Variants in HHLA2 observed in about 807,000 individuals in gnomAD.
HHLA2 encodes HHLA2 member of B7 family.
HHLA2 carries 48 observed loss-of-function variants against 45.9 expected under a neutral mutation model. That is an observed-to-expected ratio of 1.05 (90% CI 0.83 to 1.33). The LOEUF (loss-of-function observed/expected upper bound fraction) is 1.33. HHLA2 is among the 40% of genes most tolerant of loss of function. HHLA2 has a pLI of 0.00. For missense variants in HHLA2, 462 were observed against 494.3 expected (o/e 0.93, Z 0.62); for synonymous variants, 161 against 173.9 (o/e 0.93, Z 0.59).
At chr3:108,318,891 G>C (rs1051231352) in intron 2 of HHLA2, among the ~76,000 whole-genome samples, 1 of 152,122 alleles carries the variant, frequency 6.6e-6, no homozygotes, top group African/African-American at 2.4e-5. Context: ...TTGTCTCTTT[G>C]TCAACATTGG....
At chr3:108,305,646 A>G (rs1461889476) in intron 1 of HHLA2, among the ~76,000 whole-genome samples, 1 of 152,056 alleles carries the variant, frequency 6.6e-6, no homozygotes, top group Non-Finnish European at 1.5e-5. Context: ...CTCCAGGTAC[A>G]TGCCTGGTTG....
intron 8 of HHLA2, among the ~76,000 whole-genome samples, chr3:108,367,910 T>C (rs1176443794): frequency 1.3e-5 from 2 of 152,104 alleles, no homozygotes; most frequent in Non-Finnish European, 2.9e-5. Flanking sequence ...AATTGTCAGA[T>C]TCTCCAAGGT....
At chr3:108,347,473 C>G (rs2081686055) in intron 3 of HHLA2, among the ~76,000 whole-genome samples, 1 of 151,902 alleles carries the variant, frequency 6.6e-6, no homozygotes, top group African/African-American at 2.4e-5. Context: ...ACAGACAGGA[C>G]CAGGAGTGGT....
At chr3:108,328,728 C>T (rs891941845) in intron 3 of HHLA2, among the ~76,000 whole-genome samples, 1 of 151,210 alleles carries the variant, frequency 6.6e-6, no homozygotes, top group African/African-American at 2.4e-5. Flanking sequence ...AAATTTTAAA[C>T]TGCATTATCT....
intron 7 of HHLA2, among the ~76,000 whole-genome samples, chr3:108,358,369 C>A (rs2081934360): frequency 6.6e-6 from 1 of 152,160 alleles, no homozygotes; most frequent in East Asian, 1.9e-4. Context: ...ATTACTCCCA[C>A]AGATTTCCTT....
chr3:108,309,627 T>C (rs2080985121), intron 1 of HHLA2, among the ~76,000 whole-genome samples: 1 of 152,166 alleles, frequency 6.6e-6, no homozygotes, highest in Admixed American at 6.6e-5. Flanking sequence ...TTTCTCATTA[T>C]TAGACTGGGG....
chr3:108,333,393 G>A (rs1464363156), intron 3 of HHLA2, among the ~76,000 whole-genome samples: 2 of 152,092 alleles, frequency 1.3e-5, no homozygotes, highest in East Asian at 1.9e-4. Flanking sequence ...CTTACCCATA[G>A]AGTTGTCAGA....
chr3:108,356,681 T>C (rs910895545), intron 6 of HHLA2, among the ~76,000 whole-genome samples: 2 of 152,210 alleles, frequency 1.3e-5, no homozygotes, highest in Non-Finnish European at 2.9e-5. Flanking sequence ...CTCAGTACTG[T>C]TTGGTCTCAT....
intron 1 of HHLA2, among the ~76,000 whole-genome samples, chr3:108,298,345 A>C (rs1198156925): frequency 6.6e-6 from 1 of 152,206 alleles, no homozygotes; most frequent in African/African-American, 2.4e-5. Flanking sequence ...AAATCCTGCT[A>C]TTCTGGCTTA....
Position 108,303,194 on chromosome 3 carries a change from A to G in HHLA2, c.-192+6595A>G, listed in dbSNP as rs141457545. The stretch of plus-strand genomic sequence containing the variant: ...TTTCTTACATTGTATTTATGTATCA[A>G]CTCCTTGATTTGATGAGTTCTTGAC... On this transcript the variant is annotated intron_variant, in intron 1 of 10. Transcript: ENST00000619531. Among the ~76,000 whole-genome samples the G allele has an allele frequency of 6.6e-5, 10 of 151,988 alleles. No individual in the cohort carries two copies. The East Asian group carries it at 1.2e-3, about 18-fold the overall frequency.
chr3:108,301,604 C>T (rs914393961), intron 1 of HHLA2, among the ~76,000 whole-genome samples: 1 of 152,126 alleles, frequency 6.6e-6, no homozygotes, highest in Non-Finnish European at 1.5e-5. Context: ...TATTTTCTTC[C>T]GTAGGCTAAT....
At chr3:108,300,707 A>G (rs1333735768) in intron 1 of HHLA2, among the ~76,000 whole-genome samples, 1 of 152,034 alleles carries the variant, frequency 6.6e-6, no homozygotes, top group Non-Finnish European at 1.5e-5. Flanking sequence ...AAACCTAGTG[A>G]CATACGTCCT....
At chr3:108,359,807 G>A (rs1326178257) in intron 7 of HHLA2, among the ~76,000 whole-genome samples, 1 of 152,058 alleles carries the variant, frequency 6.6e-6, no homozygotes, top group Non-Finnish European at 1.5e-5. Flanking sequence ...CTTTCCTTGG[G>A]GGATATGTTC....
exon 6 of HHLA2, chr3:108,355,362 A>G: frequency 6.2e-7 from 1 of 1,613,714 alleles, no homozygotes; most frequent in East Asian, 2.2e-5. Context: ...AAACATGGAC[A>G]GGGCGCTGGA....
chr3:108,308,067 A>G (rs1025000813), intron 1 of HHLA2, among the ~76,000 whole-genome samples: 5 of 152,332 alleles, frequency 3.3e-5, no homozygotes, highest in Admixed American at 2.0e-4. Context: ...GTTATTGATT[A>G]TAGTCACTCT....
At chr3:108,374,238 C>G (rs1310876950) in intron 8 of HHLA2, among the ~76,000 whole-genome samples, 11 of 150,674 alleles carry the variant, frequency 7.3e-5, no homozygotes, top group Non-Finnish European at 1.5e-4. Context: ...AAAGGATTCC[C>G]TATTTAATAA....
At chr3:108,362,046 C>T (rs1465026729) in intron 7 of HHLA2, among the ~76,000 whole-genome samples, 1 of 152,200 alleles carries the variant, frequency 6.6e-6, no homozygotes, top group Non-Finnish European at 1.5e-5. Flanking sequence ...TCCCCCACCT[C>T]CACCAATCTC....
chr3:108,302,501 T>C (rs1159808003), intron 1 of HHLA2: 3 of 152,222 alleles, frequency 2.0e-5, no homozygotes, highest in Non-Finnish European at 4.4e-5. Context: ...CTTCAAGTCA[T>C]GTAATCGACT....
rs751367823 is a variant in HHLA2, at chr3:108,353,610, G to T, written c.248G>T (p.Ser83Ile). 2.2e-5 allele frequency: 36 copies of T among 1,613,622 alleles called. No individual in the cohort carries two copies. In the Admixed American group the frequency reaches 5.3e-4, roughly 24 times the overall value. Reference sequence around the variant, plus strand: ...TACAAAGGCAGTGACCATTTGGAAAGCCAAGATCCCAGATATGCAAACAGG... The same window carrying T: ...TACAAAGGCAGTGACCATTTGGAAATCCAAGATCCCAGATATGCAAACAGG... Residue 83 changes from serine (S) to isoleucine (I), a missense_variant, in exon 5 of 11, where the codon AGC becomes ATC. This residue lies in a region of HHLA2 where 335 missense variants were observed against 367.4 expected (regional missense o/e 0.91). Transcript: ENST00000619531.
Sources: allele counts gnomAD v4.1 joint callset (sites outside exome capture counted in the v4.1 genomes callset), GRCh38; gene constraint gnomAD v4.1.1; regional missense constraint gnomAD v4.1.1; transcripts MANE v1.5; gene names NCBI Gene and HGNC (gene_info 2026-07-23, HGNC 2026-07-21).